Variants in SLC39A11 observed in about 807,000 individuals in gnomAD.
SLC39A11 encodes the protein solute carrier family 39 member 11.
In SLC39A11, 33 loss-of-function variants were observed where a neutral mutation model predicts 36.1. The ratio of observed to expected loss-of-function variants is 0.91; its 90% CI spans 0.69 to 1.22. The LOEUF is 1.22. Ranked by LOEUF, SLC39A11 falls within the 50% of genes most tolerant of loss-of-function variation. The pLI is 0.00. For missense variants in SLC39A11, 432 were observed against 430.3 expected (o/e 1.00, Z -0.03); for synonymous variants, 166 against 170.3 (o/e 0.97, Z 0.20).
intron 4 of SLC39A11, among the ~76,000 whole-genome samples, chr17:72,999,689 C>T (rs1330649058): frequency 6.6e-6 from 1 of 152,124 alleles, no homozygotes; most frequent in Non-Finnish European, 1.5e-5. Context: ...CACTGACTGC[C>T]TAGGGCTGCA....
At chr17:72,744,816 T>C (rs567953773) in intron 6 of SLC39A11, among the ~76,000 whole-genome samples, 12 of 152,276 alleles carry the variant, frequency 7.9e-5, no homozygotes, top group African/African-American at 1.2e-4. Flanking sequence ...TACCATCGCA[T>C]TGGGGGTTAG....
intron 1 of SLC39A11, among the ~76,000 whole-genome samples, chr17:73,090,950 T>C (rs1350101038): frequency 6.6e-6 from 1 of 152,174 alleles, no homozygotes; most frequent in Non-Finnish European, 1.5e-5. Flanking sequence ...CTTCTCTATT[T>C]GCTGTTTTAA....
At chr17:73,017,655 G>A (rs1452226596) in intron 4 of SLC39A11, among the ~76,000 whole-genome samples, 1 of 152,182 alleles carries the variant, frequency 6.6e-6, no homozygotes, top group Admixed American at 6.5e-5. Context: ...GGAGGTTGCG[G>A]TGAGCTAAGA....
Position 72,864,647 on chromosome 17 carries a change from G to A in SLC39A11, c.431-14843C>T, listed in dbSNP as rs367849498. On this transcript the variant is annotated intron_variant, in intron 5 of 9. Transcript: ENST00000255559. ...GTGGAACAGGAAAATAAACATGCTC[G>A]TAATCCAAAAATATTCACTGATGAA... Among the ~76,000 whole-genome samples the A allele has an allele frequency of 1.2e-4, 19 of 152,238 alleles. No individual in the cohort carries two copies. The East Asian group carries it at 2.7e-3, about 22-fold the overall frequency.
intron 6 of SLC39A11, among the ~76,000 whole-genome samples, chr17:72,848,252 T>C (rs1168032443): frequency 6.6e-6 from 1 of 151,966 alleles, no homozygotes; most frequent in Non-Finnish European, 1.5e-5. Flanking sequence ...AGTGAGAGAG[T>C]TGGAATTTCA....
intron 6 of SLC39A11, among the ~76,000 whole-genome samples, chr17:72,806,043 G>A (rs1051448843): frequency 3.3e-5 from 5 of 152,014 alleles, no homozygotes; most frequent in Non-Finnish European, 5.9e-5. Context: ...GTGAGCCACC[G>A]CACCTGGTGG....
intron 4 of SLC39A11, among the ~76,000 whole-genome samples, chr17:73,001,259 T>C (rs887777291): frequency 1.3e-5 from 2 of 151,222 alleles, no homozygotes; most frequent in African/African-American, 4.9e-5. Context: ...TTTATTCCAG[T>C]TAGTTAGCCA....
chr17:73,034,998 G>A lies in SLC39A11; in HGVS notation c.148-3284C>T, dbSNP rs189807369. 1.1e-3 allele frequency among the ~76,000 whole-genome samples: 169 copies of A among 152,246 alleles called. No homozygotes were observed. The East Asian group carries it at 0.017, about 15-fold the overall frequency. Reference sequence around the variant, plus strand: ...TCCAGTCAAATTTAGGATCCAGCTGGATTTCCTTCATTTCTTTTCCTTGTG... The same window carrying A: ...TCCAGTCAAATTTAGGATCCAGCTGAATTTCCTTCATTTCTTTTCCTTGTG... On this transcript the variant is annotated intron_variant, in intron 3 of 9. Transcript: ENST00000255559.
At chr17:72,761,909 G>A (rs2075594290) in intron 6 of SLC39A11, among the ~76,000 whole-genome samples, 1 of 152,236 alleles carries the variant, frequency 6.6e-6, no homozygotes, top group African/African-American at 2.4e-5. Context: ...AAAGAATACA[G>A]GGAATCTACT....
Position 73,007,478 on chromosome 17 carries a change from T to C in SLC39A11, c.306+24078A>G, listed in dbSNP as rs945792792. Among the ~76,000 whole-genome samples, 3 of 152,292 alleles carry C rather than the reference T, an allele frequency of 2.0e-5. No individual in the cohort carries two copies. The East Asian group carries it at 5.8e-4, about 29-fold the overall frequency. On this transcript the variant is annotated intron_variant, in intron 4 of 9. Coordinates refer to ENST00000255559, the MANE Select transcript of SLC39A11 (RefSeq NM_139177.4). The stretch of plus-strand genomic sequence containing the variant: ...CCTCAGGGCAACGCCATCATCATCA[T>C]GGACTAATGACAATGGCCAAAACCT...
intron 5 of SLC39A11, among the ~76,000 whole-genome samples, chr17:72,898,701 T>C (rs977585002): frequency 6.6e-6 from 1 of 152,214 alleles, no homozygotes; most frequent in Admixed American, 6.5e-5. Context: ...ATTGTGCATA[T>C]ACACTCACGT....
At chr17:72,762,038 G>C (rs1168840646) in intron 6 of SLC39A11, among the ~76,000 whole-genome samples, 1 of 152,228 alleles carries the variant, frequency 6.6e-6, no homozygotes, top group African/African-American at 2.4e-5. Context: ...GGCGAAGCCT[G>C]ACCTTCTGAT....
intron 7 of SLC39A11, among the ~76,000 whole-genome samples, chr17:72,704,459 T>C (rs1313725495): frequency 6.6e-6 from 1 of 152,214 alleles, no homozygotes; most frequent in Non-Finnish European, 1.5e-5. Flanking sequence ...AAGATGCGGC[T>C]AGATTCACTG....
chr17:72,794,635 C>G (rs1345314916), intron 6 of SLC39A11, among the ~76,000 whole-genome samples: 1 of 151,960 alleles, frequency 6.6e-6, no homozygotes, highest in African/African-American at 2.4e-5. Context: ...TCATTAGCAC[C>G]TTACTTGTGC....
At position 72,668,302 on chromosome 17, in the gene SLC39A11, C is replaced by CA. The variant is rs558245086; in HGVS notation, c.672-19035dup. On this transcript the variant is annotated intron_variant, in intron 7 of 9. Transcript: ENST00000255559. The stretch of plus-strand genomic sequence containing the variant: ...CTTGACCAAGTCAGTAACTATAAAG[C>CA]AAAAAAAAAAAAAAATTCCCTAGCT... Among the ~76,000 whole-genome samples the CA allele has an allele frequency of 2.9e-3, 368 of 128,206 alleles. 1 individual carries two copies. The highest frequency in any genetic ancestry group is 0.021 in the South Asian group (83 of 3,920). The allele number at this position is 128,206 out of a possible 152,430, so 84.1% of individuals were successfully genotyped here. A position where few individuals can be genotyped will look rare whatever the true frequency, so the allele number is the denominator to read the frequency against.
In SLC39A11 at chr17:72,646,761, T is replaced by C. The variant is rs1408405888; in HGVS notation, c.*823A>G. 1 of 152,700 alleles carries C rather than the reference T, an allele frequency of 6.5e-6. No individual in the cohort carries two copies. Among genetic ancestry groups the C allele is most frequent in the African/African-American group, 2.4e-5 (1 of 41,558 alleles). The allele number at this position is 152,700 out of a possible 1,614,324, so 9.5% of individuals were successfully genotyped here. ...AAGTCTCTTAGAAACATGATGGCTA[T>C]AAACTTATCAAAATAAATGCCTAAG... is the stretch of plus-strand genomic sequence containing the variant. On this transcript the variant is annotated 3_prime_UTR_variant, in exon 10 of 10. Coordinates refer to ENST00000255559, the MANE Select transcript of SLC39A11 (RefSeq NM_139177.4).
At chr17:72,765,562 T>C (rs1446274440) in intron 6 of SLC39A11, among the ~76,000 whole-genome samples, 1 of 152,216 alleles carries the variant, frequency 6.6e-6, no homozygotes, top group East Asian at 1.9e-4. Flanking sequence ...AGTTCATCTA[T>C]GGCTATAAAT....
In SLC39A11 at chr17:73,062,475, A is replaced by AAAAAAAAAAAAAAAAAACC. The variant is rs56021607; in HGVS notation, c.147+22332_147+22333insGGTTTTTTTTTTTTTTTTT. Among the ~76,000 whole-genome samples, 35 of 87,044 alleles carry AAAAAAAAAAAAAAAAAACC rather than the reference A, an allele frequency of 4.0e-4. 1 individual carries two copies. Among genetic ancestry groups the AAAAAAAAAAAAAAAAAACC allele is most frequent in the Non-Finnish European group, 6.4e-4 (30 of 46,908 alleles). 57.1% of individuals were successfully genotyped at this position (87,044 alleles called of 152,430 possible). A position where few individuals can be genotyped will look rare whatever the true frequency, so the allele number is the denominator to read the frequency against. Reference sequence around the variant, plus strand: ...AGAGCTTGTCTCAAAAAAAAAAAAAAAAACTTTAGGTGATACACTTCTGCT... The same window carrying AAAAAAAAAAAAAAAAAACC: ...AGAGCTTGTCTCAAAAAAAAAAAAAAAAAAAAAAAAAAAAAAACCAAACTTTAGGTGATACACTTCTGCT... On this transcript the variant is annotated intron_variant, in intron 3 of 9. Transcript: ENST00000255559.
chr17:72,751,969 C>A (rs2075173016), intron 6 of SLC39A11, among the ~76,000 whole-genome samples: 1 of 152,130 alleles, frequency 6.6e-6, no homozygotes, highest in Non-Finnish European at 1.5e-5. Context: ...CCCTGGCAAC[C>A]ATCCTTCTAC....
Sources: gnomAD v4.1 joint callset for allele counts (sites outside exome capture counted in the v4.1 genomes callset) on GRCh38, gnomAD v4.1.1 for gene constraint, MANE v1.5 for transcripts, NCBI Gene and HGNC (gene_info 2026-07-23, HGNC 2026-07-21) for gene names.